The following EPHA7 variants were observed in gnomAD, a reference collection of about 807,000 sequenced individuals.
EPHA7 encodes the protein ephrin type-A receptor 7.
In EPHA7, 25 loss-of-function variants were observed where a neutral mutation model predicts 112.6. The observed-to-expected ratio is 0.22, with a 90% confidence interval of 0.16 to 0.31. The LOEUF is 0.31. EPHA7 is among the 10% of genes least tolerant of loss of function. The pLI, the probability that EPHA7 is intolerant of heterozygous loss-of-function variation, is 1.00. For missense variants in EPHA7, 962 were observed against 1,212.6 expected (o/e 0.79, Z 3.07); for synonymous variants, 437 against 406.5 (o/e 1.07, Z -0.90).
intron 5 of EPHA7, among the ~76,000 whole-genome samples, chr6:93,313,501 T>C (rs1562089936): frequency 6.6e-6 from 1 of 151,522 alleles, no homozygotes; most frequent in East Asian, 1.9e-4. Flanking sequence ...AGAAACAATA[T>C]ATGTTTTAAA....
At chr6:93,403,783 C>A (rs1053818165) in intron 3 of EPHA7, among the ~76,000 whole-genome samples, 1 of 151,364 alleles carries the variant, frequency 6.6e-6, no homozygotes, top group Non-Finnish European at 1.5e-5. Flanking sequence ...TATATGGTAA[C>A]TACGTAGGAA....
chr6:93,260,908 T>G (rs13193609), intron 9 of EPHA7: 3 of 192,626 alleles, frequency 1.6e-5, no homozygotes, highest in Non-Finnish European at 2.8e-5. Context: ...TAGGTTAACC[T>G]CCTAGATTGG....
At chr6:93,263,446 AG>A (rs1249598351) in intron 9 of EPHA7, among the ~76,000 whole-genome samples, 2 of 151,370 alleles carry the variant, frequency 1.3e-5, no homozygotes, top group South Asian at 4.1e-4. Context: ...GAAGAGAAAG[AG>A]GCTCCTTAAT....
chr6:93,387,809 A>G (rs1777689654), intron 3 of EPHA7, among the ~76,000 whole-genome samples: 1 of 152,104 alleles, frequency 6.6e-6, no homozygotes, highest in Non-Finnish European at 1.5e-5. Flanking sequence ...GCATGGGGTA[A>G]TCACCTCCAT....
intron 7 of EPHA7, among the ~76,000 whole-genome samples, chr6:93,266,842 G>A (rs1490922479): frequency 1.3e-5 from 2 of 151,660 alleles, no homozygotes; most frequent in African/African-American, 4.8e-5. Context: ...TAAAGATCAT[G>A]AACTGTGTGT....
intron 5 of EPHA7, among the ~76,000 whole-genome samples, chr6:93,308,386 A>G (rs1377914847): frequency 1.3e-5 from 2 of 152,066 alleles, no homozygotes; most frequent in Non-Finnish European, 2.9e-5. Context: ...TAGAAGCACT[A>G]CTTTATTTAT....
intron 4 of EPHA7, among the ~76,000 whole-genome samples, chr6:93,357,672 A>C (rs1776021430): frequency 1.6e-5 from 2 of 128,802 alleles, no homozygotes; most frequent in Non-Finnish European, 3.2e-5. Flanking sequence ...TTTTTTTTTG[A>C]GACGAGGTTT....
In EPHA7 at chr6:93,277,878, A is replaced by G. The variant is rs549516476; in HGVS notation, c.1325-5456T>C. Among the ~76,000 whole-genome samples, 12 of 152,082 alleles carry G rather than the reference A, an allele frequency of 7.9e-5. No individual in the cohort carries two copies. In the South Asian group the frequency reaches 2.5e-3, roughly 32 times the overall value. On this transcript the variant is annotated intron_variant, in intron 5 of 16. Coordinates refer to ENST00000369303, the MANE Select transcript of EPHA7 (RefSeq NM_004440.4). Reference sequence around the variant, plus strand: ...GAAAAAAATATGATGTTGAGCTGAAAAAGTAGGAAAATAAAAGCATCCTGC... The same window carrying G: ...GAAAAAAATATGATGTTGAGCTGAAGAAGTAGGAAAATAAAAGCATCCTGC...
intron 5 of EPHA7, among the ~76,000 whole-genome samples, chr6:93,315,902 G>A (rs189841714): frequency 6.6e-6 from 1 of 152,220 alleles, no homozygotes; most frequent in Admixed American, 6.5e-5. Flanking sequence ...GAACCTAGTT[G>A]TAGGACTAGA....
intron 15 of EPHA7, among the ~76,000 whole-genome samples, chr6:93,246,491 G>A (rs1769957704): frequency 6.6e-6 from 1 of 152,108 alleles, no homozygotes; most frequent in African/African-American, 2.4e-5. Context: ...ATATTGGTCT[G>A]AAAATATGAA....
At chr6:93,390,201 A>C (rs1169796257) in intron 3 of EPHA7, among the ~76,000 whole-genome samples, 4 of 151,596 alleles carry the variant, frequency 2.6e-5, no homozygotes, top group Non-Finnish European at 5.9e-5. Flanking sequence ...ATATTCTAAA[A>C]GGTAACTGGT....
chr6:93,256,804 A>G (rs1284577965), intron 12 of EPHA7, among the ~76,000 whole-genome samples: 3 of 152,110 alleles, frequency 2.0e-5, no homozygotes, highest in South Asian at 4.1e-4. Flanking sequence ...ATGACTGTTT[A>G]TACGCCTGAG....
At chr6:93,378,662 T>G (rs966803331) in intron 3 of EPHA7, among the ~76,000 whole-genome samples, 21 of 152,214 alleles carry the variant, frequency 1.4e-4, no homozygotes, top group African/African-American at 4.8e-4. Context: ...AAGCATCATA[T>G]GAGATAGGCA....
chr6:93,359,872 G>GAGAGAGAC (rs1166230566), intron 3 of EPHA7, among the ~76,000 whole-genome samples: 1 of 126,920 alleles, frequency 7.9e-6, no homozygotes. Flanking sequence ...GAGAGAGAGA[G>GAGAGAGAC]AGAGATAGAT....
chr6:93,268,369 C>A (rs535918153), intron 7 of EPHA7, among the ~76,000 whole-genome samples: 2 of 151,826 alleles, frequency 1.3e-5, no homozygotes, highest in African/African-American at 4.8e-5. Context: ...TTAGTTAATG[C>A]AAAGGATATT....
rs546676670 is a variant in EPHA7, at chr6:93,283,095, C to T, written c.1325-10673G>A. ...TGAGTCTAGTGGGGACTTGGAGAACCTTTATGTCTAGCTAAGGGATTGTGA... is the reference window on the plus strand; with the variant it reads ...TGAGTCTAGTGGGGACTTGGAGAACTTTTATGTCTAGCTAAGGGATTGTGA... On this transcript the variant is annotated intron_variant, in intron 5 of 16. Coordinates refer to ENST00000369303, the MANE Select transcript of EPHA7 (RefSeq NM_004440.4). Among the ~76,000 whole-genome samples the T allele has an allele frequency of 8.4e-4, 128 of 152,294 alleles. 3 individuals are homozygous for T. In the South Asian group the frequency reaches 0.025, roughly 30 times the overall value.
intron 3 of EPHA7, among the ~76,000 whole-genome samples, chr6:93,407,948 T>A (rs1273709378): frequency 6.6e-6 from 1 of 151,974 alleles, no homozygotes; most frequent in Non-Finnish European, 1.5e-5. Flanking sequence ...TACTAAATTC[T>A]ATAATTAGAA....
At chr6:93,285,636 C>G (rs1772024352) in intron 5 of EPHA7, among the ~76,000 whole-genome samples, 1 of 151,604 alleles carries the variant, frequency 6.6e-6, no homozygotes, top group African/African-American at 2.4e-5. Flanking sequence ...GCTTCAATTA[C>G]AGGAATGAAG....
chr6:93,392,502 A>T (rs1206908411), intron 3 of EPHA7, among the ~76,000 whole-genome samples: 1 of 152,036 alleles, frequency 6.6e-6, no homozygotes, highest in Non-Finnish European at 1.5e-5. Context: ...TATTCACCTG[A>T]TGATTCTCTA....
Sources: gnomAD v4.1 joint callset for allele counts (sites outside exome capture counted in the v4.1 genomes callset) on GRCh38, gnomAD v4.1.1 for gene constraint, MANE v1.5 for transcripts, NCBI Gene and HGNC (gene_info 2026-07-23, HGNC 2026-07-21) for gene names.